Variants in MED12L observed in about 807,000 individuals in gnomAD.
MED12L encodes mediator complex subunit 12L, also known as mediator of RNA polymerase II transcription subunit 12-like protein.
In MED12L, 60 loss-of-function variants were observed where a neutral mutation model predicts 281.3. That is an observed-to-expected ratio of 0.21 (90% CI 0.17 to 0.26). The LOEUF (loss-of-function observed/expected upper bound fraction) is 0.26, where lower values mean the gene tolerates loss of function less well. MED12L is among the 10% of genes least tolerant of loss of function. MED12L has a pLI of 1.00. For synonymous variants in MED12L, 974 were observed against 987.2 expected, an observed-to-expected ratio of 0.99 and a Z score of 0.25; for missense variants, 2,146 against 2,680.9, an observed-to-expected ratio of 0.80 and a Z score of 4.41.
intron 2 of MED12L, among the ~76,000 whole-genome samples, chr3:151,110,617 C>A (rs1711719917): frequency 6.6e-6 from 1 of 152,068 alleles, no homozygotes; most frequent in Non-Finnish European, 1.5e-5. Flanking sequence ...TCTCTAGGTC[C>A]CTGACCTAAA....
intron 16 of MED12L, 104 bp from the exon 17 acceptor site, chr3:151,349,955 C>T (rs1231775420): frequency 1.9e-6 from 2 of 1,071,778 alleles, no homozygotes; most frequent in Non-Finnish European, 2.6e-6. Context: ...GATGCCACCA[C>T]CGCAAGCCAG....
chr3:151,168,322 A>G (rs1720976851), intron 11 of MED12L, among the ~76,000 whole-genome samples: 2 of 152,344 alleles, frequency 1.3e-5, no homozygotes, highest in Admixed American at 6.5e-5. Context: ...TCGTATAGGT[A>G]TAGAAGTTAT....
At chr3:151,406,386 A>T (rs1173464606) in intron 39 of MED12L, among the ~76,000 whole-genome samples, 6 of 152,242 alleles carry the variant, frequency 3.9e-5, no homozygotes, top group Non-Finnish European at 8.8e-5. Context: ...AAAAACAAAG[A>T]AAAGTAGGAA....
intron 11 of MED12L, among the ~76,000 whole-genome samples, chr3:151,170,781 G>A (rs1388577876): frequency 6.6e-6 from 1 of 152,162 alleles, no homozygotes; most frequent in East Asian, 1.9e-4. Context: ...GTAATACTGA[G>A]GTCAGGGCTC....
chr3:151,430,395 G>A lies in MED12L; in HGVS notation c.6490+15G>A. ...GCAGCTTTCCAGTAAGTACCCCTGT[G>A]TGTCATGGAACAGACAGCTCCCGGA... On this transcript the variant is annotated intron_variant, in intron 44 of 44. Coordinates refer to ENST00000687756, the MANE Select transcript of MED12L (RefSeq NM_001393769.1). 1 of 1,613,862 alleles carries A rather than the reference G, an allele frequency of 6.2e-7. No homozygotes were observed. Among genetic ancestry groups the A allele is most frequent in the South Asian group, 1.1e-5 (1 of 91,042 alleles).
chr3:151,282,841 A>G (rs1742993665), intron 16 of MED12L, among the ~76,000 whole-genome samples: 1 of 152,236 alleles, frequency 6.6e-6, no homozygotes, highest in Admixed American at 6.5e-5. Flanking sequence ...TTTTGAAAAA[A>G]TTGTAATCTG....
intron 2 of MED12L, among the ~76,000 whole-genome samples, chr3:151,115,661 A>T (rs544529446): frequency 1.4e-4 from 22 of 152,024 alleles, no homozygotes; most frequent in African/African-American, 5.3e-4. Context: ...AACAATTCTT[A>T]AAAAAATCCT....
At chr3:151,089,483 T>C (rs1320532476) in intron 2 of MED12L, among the ~76,000 whole-genome samples, 4 of 152,060 alleles carry the variant, frequency 2.6e-5, no homozygotes, top group Non-Finnish European at 5.9e-5. Flanking sequence ...ATTTGTAAAT[T>C]AGTTTGTGCA....
At chr3:151,361,351 G>T (rs530148022) in intron 21 of MED12L, among the ~76,000 whole-genome samples, 1 of 152,106 alleles carries the variant, frequency 6.6e-6, no homozygotes, top group Admixed American at 6.5e-5. Context: ...TGCATTAAAA[G>T]TAGGAAACCT....
intron 16 of MED12L, among the ~76,000 whole-genome samples, chr3:151,300,525 G>A (rs1745763682): frequency 2.6e-5 from 4 of 152,126 alleles, no homozygotes; most frequent in Admixed American, 2.6e-4. Flanking sequence ...CCTGCAGCTG[G>A]GTCTGTTCCC....
At chr3:151,215,873 G>A (rs1728119778) in intron 16 of MED12L, among the ~76,000 whole-genome samples, 1 of 152,170 alleles carries the variant, frequency 6.6e-6, no homozygotes, top group South Asian at 2.1e-4. Context: ...TTTAGGTTCT[G>A]TGATTTCTCT....
chr3:151,393,486 T>C (rs1021985555), intron 38 of MED12L, among the ~76,000 whole-genome samples: 7 of 152,140 alleles, frequency 4.6e-5, no homozygotes, highest in Non-Finnish European at 1.0e-4. Flanking sequence ...TGACTTCTAG[T>C]TCTGTCCTGC....
chr3:151,305,150 C>T (rs1482370343), intron 16 of MED12L, among the ~76,000 whole-genome samples: 1 of 152,226 alleles, frequency 6.6e-6, no homozygotes, highest in African/African-American at 2.4e-5. Context: ...TCTGCATGTC[C>T]CAGCACTTGC....
chr3:151,366,237 C>T (rs1755252692), intron 23 of MED12L, among the ~76,000 whole-genome samples: 1 of 152,066 alleles, frequency 6.6e-6, no homozygotes, highest in African/African-American at 2.4e-5. Context: ...TCTTTGTTTC[C>T]TGAAATTTCC....
At chr3:151,216,110 C>T (rs1156365085) in intron 16 of MED12L, among the ~76,000 whole-genome samples, 1 of 152,196 alleles carries the variant, frequency 6.6e-6, no homozygotes, top group Non-Finnish European at 1.5e-5. Context: ...TCCACTACTA[C>T]AAGCTCCTTC....
intron 16 of MED12L, among the ~76,000 whole-genome samples, chr3:151,281,230 T>TAA (rs1742755741): frequency 2.9e-4 from 1 of 3,502 alleles, no homozygotes; most frequent in Non-Finnish European, 6.0e-4. Context: ...CTACCAAAAA[T>TAA]ACAAAAAAAA....
chr3:151,312,485 A>G (rs1475432907), intron 16 of MED12L, among the ~76,000 whole-genome samples: 1 of 152,160 alleles, frequency 6.6e-6, no homozygotes, highest in East Asian at 1.9e-4. Flanking sequence ...GAATCTTGAT[A>G]TAGTCAGTAA....
intron 5 of MED12L, among the ~76,000 whole-genome samples, chr3:151,139,641 T>G (rs1716649035): frequency 1.3e-5 from 2 of 152,154 alleles, no homozygotes; most frequent in African/African-American, 4.8e-5. Flanking sequence ...AGGAGAAATA[T>G]GTAAGCAAGG....
At chr3:151,208,957 A>C (rs1726757579) in intron 16 of MED12L, among the ~76,000 whole-genome samples, 1 of 151,804 alleles carries the variant, frequency 6.6e-6, no homozygotes, top group Non-Finnish European at 1.5e-5. Flanking sequence ...GAACAAATTT[A>C]CTCCCTTGTC....
Sources: allele counts gnomAD v4.1 joint callset (sites outside exome capture counted in the v4.1 genomes callset), GRCh38; gene constraint gnomAD v4.1.1; transcripts MANE v1.5; gene names NCBI Gene and HGNC (gene_info 2026-07-23, HGNC 2026-07-21).